SLC19A1: variants seen among roughly 807,000 people sequenced by gnomAD.
The protein encoded by SLC19A1 is solute carrier family 19 member 1.
In SLC19A1, 37 loss-of-function variants were observed where a neutral mutation model predicts 35.3. The ratio of observed to expected loss-of-function variants is 1.05; its 90% CI spans 0.81 to 1.38. The LOEUF (loss-of-function observed/expected upper bound fraction) is 1.38, where lower values mean the gene tolerates loss of function less well. SLC19A1 is among the 40% of genes most tolerant of loss of function. The pLI is 0.00. For missense variants in SLC19A1, 831 were observed against 826.9 expected (o/e 1.00, Z -0.06); for synonymous variants, 460 against 398.5 (o/e 1.15, Z -1.84).
intron 3 of SLC19A1, among the ~76,000 whole-genome samples, chr21:45,503,776 T>G (rs1164822721): frequency 2.0e-5 from 3 of 151,758 alleles, no homozygotes; most frequent in Admixed American, 2.0e-4. Flanking sequence ...CCCTAAAACT[T>G]AAAGTATAAT....
In SLC19A1 at chr21:45,513,083, A is replaced by G. The variant is rs1205928875; in HGVS notation, c.*2575T>C. On this transcript the variant is annotated 3_prime_UTR_variant, in exon 6 of 6. Coordinates refer to ENST00000311124, the MANE Select transcript of SLC19A1 (RefSeq NM_194255.4). Reference sequence around the variant, plus strand: ...ACAGCAGCCTGGGGCTGGCCTCCCAAATGAGCCATGAGATGATACATCCAA... The same window carrying G: ...ACAGCAGCCTGGGGCTGGCCTCCCAGATGAGCCATGAGATGATACATCCAA... The G allele has an allele frequency of 6.5e-6, 1 of 154,638 alleles. No individual in the cohort carries two copies. The highest frequency in any genetic ancestry group is 1.4e-5 in the Non-Finnish European group (1 of 69,704). 9.6% of individuals were successfully genotyped at this position (154,638 alleles called of 1,614,324 possible). A position where few individuals can be genotyped will look rare whatever the true frequency, so the allele number is the denominator to read the frequency against.
At chr21:45,511,437 G>C (rs1299153629), downstream of SLC19A1, among the ~76,000 whole-genome samples, 1 of 152,238 alleles carries the variant, frequency 6.6e-6, no homozygotes, top group African/African-American at 2.4e-5. Context: ...CCAGGTAGTT[G>C]TAAGAAGGCC....
At position 45,532,005 on chromosome 21, in the gene SLC19A1, C is replaced by A. The variant is rs1211845188; in HGVS notation, c.333G>T (p.Leu111=). The change falls in exon 3 of 6, where the codon CTG becomes CTT. Residue 111 remains leucine, a synonymous_variant. Coordinates refer to ENST00000311124, the MANE Select transcript of SLC19A1 (RefSeq NM_194255.4). ...GCATGTGCGCCACCGAGTGGCCCAG[C>A]AGCAGCAGCAGCCACACCGACACGA... is the stretch of plus-strand genomic sequence containing the variant. ...LSFVSVWLLL[L]LGHSVAHMQL... is the part of the protein sequence containing the mutation. 6.2e-7 allele frequency: 1 copy of A among 1,610,592 alleles called. No homozygotes were observed. The highest frequency in any genetic ancestry group is 8.5e-7 in the Non-Finnish European group (1 of 1,179,710).
intron 4 of SLC19A1, among the ~76,000 whole-genome samples, chr21:45,528,289 CTG>C (rs1319943101): frequency 6.6e-6 from 1 of 152,134 alleles, no homozygotes; most frequent in East Asian, 1.9e-4. Context: ...CTCAGAAACA[CTG>C]TGAGTTGAAT....
At chr21:45,545,712 C>T (rs2146478327), upstream of SLC19A1, among the ~76,000 whole-genome samples, 1 of 152,236 alleles carries the variant, frequency 6.6e-6, no homozygotes, top group East Asian at 1.9e-4. Flanking sequence ...GTGCAGACGG[C>T]ACCCCATATG....
chr21:45,551,441 CG>C (rs2078465673), intron 1 of SLC19A1, among the ~76,000 whole-genome samples: 1 of 152,154 alleles, frequency 6.6e-6, no homozygotes, highest in African/African-American at 2.4e-5. Flanking sequence ...ATTCCTCTCA[CG>C]GGGCACCTTT....
chr21:45,537,881 G>A lies in SLC19A1; in HGVS notation c.79C>T (p.His27Tyr), dbSNP rs770465381. ...TAGAAGCAAAGGTAGCACACGAGGT[G>A]CCGCCAGGACCGGAGCTCGGGGTCA... is the stretch of plus-strand genomic sequence containing the variant. Reference protein sequence around the residue: ...GPDPELRSWRHLVCYLCFYGF... With the variant: ...GPDPELRSWRYLVCYLCFYGF... Residue 27 changes from histidine (H) to tyrosine (Y), a missense_variant, in exon 2 of 6, where the codon CAC (histidine) becomes TAC (tyrosine). Coordinates refer to ENST00000311124, the MANE Select transcript of SLC19A1 (RefSeq NM_194255.4). The A allele has an allele frequency of 2.5e-6, 4 of 1,601,380 alleles. No homozygotes were observed. The highest frequency in any genetic ancestry group is 1.3e-5 in the African/African-American group (1 of 74,844).
chr21:45,509,578 A>G, downstream of SLC19A1: 1 of 1,523,760 alleles, frequency 6.6e-7, no homozygotes, highest in Non-Finnish European at 8.8e-7. Flanking sequence ...ACCCGCCCAC[A>G]GCCACCGCGA....
chr21:45,539,815 G>A (rs2078246930), intron 1 of SLC19A1, among the ~76,000 whole-genome samples: 1 of 152,196 alleles, frequency 6.6e-6, no homozygotes, highest in African/African-American at 2.4e-5. Context: ...GCAGAGGCTG[G>A]TGGGCTTGCA....
intron 2 of SLC19A1, chr21:45,536,316 C>T (rs1378406619): frequency 6.5e-6 from 1 of 152,958 alleles, no homozygotes; most frequent in Non-Finnish European, 1.5e-5. Flanking sequence ...AAGGGAAACG[C>T]CACACATAAT....
Position 45,516,029 on chromosome 21 carries a change from C to CCGGG in SLC19A1, c.1401_1404dup (p.Ala469ProfsTer68). ...TCCGCGGCACTCCTCAGGCCCTGGG[C>CCGGG]CGGGGGCTGCCGCGGGTGGTGGCCC... On this transcript the variant is annotated frameshift_variant, in exon 6 of 6. Coordinates refer to ENST00000311124, the MANE Select transcript of SLC19A1 (RefSeq NM_194255.4). LOFTEE classifies it low-confidence loss of function (END_TRUNC). The CCGGG allele has an allele frequency of 6.3e-7, 1 of 1,578,472 alleles. No individual in the cohort carries two copies. The highest frequency in any genetic ancestry group is 8.6e-7 in the Non-Finnish European group (1 of 1,163,480).
upstream of SLC19A1, among the ~76,000 whole-genome samples, chr21:45,545,618 A>G (rs1036181139): frequency 2.0e-5 from 3 of 152,004 alleles, no homozygotes; most frequent in African/African-American, 7.3e-5. Flanking sequence ...AGACACCACC[A>G]AGACATATGC....
chr21:45,525,928 C>T lies in SLC19A1; in HGVS notation c.1182G>A (p.Glu394=). ...TGACCCCGAAGACCAGGGCACAGAGCTCTTTAGACAGAGAAGATGCAATCT... is the reference window on the plus strand; with the variant it reads ...TGACCCCGAAGACCAGGGCACAGAGTTCTTTAGACAGAGAAGATGCAATCT... ...TFQIASSLSK[E]LCALVFGVNT... is the part of the protein sequence containing the mutation. The change falls in exon 5 of 6, where the codon GAG becomes GAA. Residue 394 remains glutamate (E), a synonymous_variant. Coordinates refer to ENST00000311124, the MANE Select transcript of SLC19A1 (RefSeq NM_194255.4). The T allele has an allele frequency of 6.2e-7, 1 of 1,613,614 alleles. No homozygotes were observed. Among genetic ancestry groups the T allele is most frequent in the African/African-American group, 1.3e-5 (1 of 75,076 alleles).
Position 45,531,867 on chromosome 21 carries a change from G to C in SLC19A1, c.471C>G (p.Arg157=). Residue 157 remains arginine, a synonymous_variant, in exon 3 of 6, where the codon CGC becomes CGG. Transcript: ENST00000311124. Reference sequence around the variant, plus strand: ...TGAACACGCCCAGCAGCACCGCAGCGCGCGAGTAGCCGGCCACACGCTGGT... The same window carrying C: ...TGAACACGCCCAGCAGCACCGCAGCCCGCGAGTAGCCGGCCACACGCTGGT... ...ARYQRVAGYS[R]AAVLLGVFTS... 2 of 1,584,942 alleles carry C rather than the reference G, an allele frequency of 1.3e-6. No homozygotes were observed. Among genetic ancestry groups the C allele is most frequent in the Non-Finnish European group, 1.7e-6 (2 of 1,166,356 alleles).
chr21:45,528,850 C>T (rs1264657916), intron 4 of SLC19A1, among the ~76,000 whole-genome samples: 1 of 152,252 alleles, frequency 6.6e-6, no homozygotes, highest in Non-Finnish European at 1.5e-5. Context: ...CAACCCAACA[C>T]AGACAAGCAG....
Position 45,530,846 on chromosome 21 carries a change from G to C in SLC19A1, c.1075C>G (p.Pro359Ala), listed in dbSNP as rs1457139891. Residue 359 changes from proline to alanine, a missense_variant, in exon 4 of 6, where the codon CCG becomes GCG. Pro to Ala is a conservative substitution (Grantham distance 27). Coordinates refer to ENST00000311124, the MANE Select transcript of SLC19A1 (RefSeq NM_194255.4). This position sits in a 1 kb window ranked among gnomAD's most constrained non-coding sequence, Gnocchi z 5.3. The part of the protein sequence containing the change: ...LVFLLAHTRH[P>A]SSIWLCYAAF... ...GCATAGCACAGCCAGATGCTGCTCG[G>C]GTGGCGCGTGTGCGCCAGAAGGAAG... is the stretch of plus-strand genomic sequence containing the variant. 6.6e-7 allele frequency: 1 copy of C among 1,511,550 alleles called. No individual in the cohort carries two copies. The highest frequency in any genetic ancestry group is 1.4e-5 in the African/African-American group (1 of 70,062). The allele number at this position is 1,511,550 out of a possible 1,614,324, so 93.6% of individuals were successfully genotyped here.
At chr21:45,526,329 C>T (rs1481674797) in intron 4 of SLC19A1, among the ~76,000 whole-genome samples, 1 of 152,250 alleles carries the variant, frequency 6.6e-6, no homozygotes, top group African/African-American at 2.4e-5. Flanking sequence ...TGCATTTATG[C>T]TCATATGCAC....
rs1236906289 is a variant in SLC19A1, at chr21:45,533,689, C to T, written c.190-1541G>A. On this transcript the variant is annotated intron_variant, in intron 2 of 5. Transcript: ENST00000311124. The surrounding 1 kb of genome is among the most constrained non-coding windows in gnomAD (Gnocchi z 4.5). ...CCGACTCAGGCCTGACCACCAGTAA[C>T]CCCACAGCCCCACTCGTGCTGCCCC... Among the ~76,000 whole-genome samples the T allele has an allele frequency of 6.6e-6, 1 of 152,058 alleles. No individual in the cohort carries two copies. Among genetic ancestry groups the T allele is most frequent in the East Asian group, 1.9e-4 (1 of 5,144 alleles).
intron 1 of SLC19A1, among the ~76,000 whole-genome samples, chr21:45,549,876 G>A (rs1480466845): frequency 1.3e-5 from 2 of 151,842 alleles, no homozygotes; most frequent in African/African-American, 4.8e-5. Context: ...ATGGGGTACA[G>A]GTCCAGTATG....
Sources: allele counts gnomAD v4.1 joint callset (sites outside exome capture counted in the v4.1 genomes callset), GRCh38; gene constraint gnomAD v4.1.1; non-coding constraint Gnocchi (gnomAD v3.1); transcripts MANE v1.5; gene names NCBI Gene and HGNC (gene_info 2026-07-23, HGNC 2026-07-21).